The following PIAS2 variants were observed in gnomAD, a reference collection of about 807,000 sequenced individuals.
PIAS2 encodes the protein protein inhibitor of activated STAT 2.
PIAS2 carries 19 observed loss-of-function variants against 69.7 expected under a neutral mutation model. That is an observed-to-expected ratio of 0.27 (90% CI 0.19 to 0.40). PIAS2 has a LOEUF of 0.40. Ranked by LOEUF, PIAS2 falls within the 10% of genes least tolerant of loss-of-function variation. The pLI is 1.00. For synonymous variants in PIAS2, 261 were observed against 263.2 expected (o/e 0.99, Z 0.08); for missense variants, 624 against 757.0 (o/e 0.82, Z 2.06).
intron 2 of PIAS2, among the ~76,000 whole-genome samples, chr18:46,888,048 A>G (rs903119760): frequency 6.6e-6 from 1 of 152,216 alleles, no homozygotes; most frequent in Non-Finnish European, 1.5e-5. Flanking sequence ...GCAAAAATCA[A>G]TTGCATTTTT....
At chr18:46,888,485 T>A (rs1469851807) in intron 2 of PIAS2, among the ~76,000 whole-genome samples, 1 of 152,150 alleles carries the variant, frequency 6.6e-6, no homozygotes, top group African/African-American at 2.4e-5. Context: ...TCTTCCTGAT[T>A]CCAAGACATA....
rs1031469090 is a variant in PIAS2 at position 46,810,399 on chromosome 18, T to C, written c.*2034A>G. ...GTCATACCACACAAACCAAGTTAAG[T>C]TTTTTCTATCTGATTACAGAGTCAA... On this transcript the variant is annotated 3_prime_UTR_variant, in exon 14 of 14. Coordinates refer to ENST00000585916, the MANE Select transcript of PIAS2 (RefSeq NM_004671.5). The C allele has an allele frequency of 6.6e-6, 1 of 152,044 alleles. No individual in the cohort carries two copies. The highest frequency in any genetic ancestry group is 2.4e-5 in the African/African-American group (1 of 41,386). 9.4% of individuals were successfully genotyped at this position (152,044 alleles called of 1,614,324 possible).
intron 1 of PIAS2, among the ~76,000 whole-genome samples, chr18:46,898,574 A>G (rs2055266857): frequency 6.6e-6 from 1 of 152,246 alleles, no homozygotes; most frequent in Non-Finnish European, 1.5e-5. Context: ...AATTTTCCGT[A>G]TATCAAATAC....
Position 46,810,873 on chromosome 18 carries a change from T to C in PIAS2, c.*1560A>G, listed in dbSNP as rs1211042641. On this transcript the variant is annotated 3_prime_UTR_variant, in exon 14 of 14. Coordinates refer to ENST00000585916, the MANE Select transcript of PIAS2 (RefSeq NM_004671.5). ...CACTTCAGTTTGAGAAATCAATTGG[T>C]TGGACTGGCCATTAAAAAAAGGACT... 6.6e-6 allele frequency: 1 copy of C among 151,986 alleles called. No individual in the cohort carries two copies. The highest frequency in any genetic ancestry group is 1.9e-4 in the East Asian group (1 of 5,182). 9.4% of individuals were successfully genotyped at this position (151,986 alleles called of 1,614,324 possible).
chr18:46,805,329 C>A lies in PIAS2; in HGVS notation c.*7104G>T, dbSNP rs1034363642. On this transcript the variant is annotated 3_prime_UTR_variant, in exon 14 of 14. Transcript: ENST00000585916. ...GCTGGAGGTAAAGTAACCAATACCT[C>A]ACAGACCAACTTGGATAAATCATCT... is the stretch of plus-strand genomic sequence containing the variant. The A allele has an allele frequency of 6.6e-6, 1 of 152,146 alleles. No homozygotes were observed. The highest frequency in any genetic ancestry group is 1.5e-5 in the Non-Finnish European group (1 of 68,046). 9.4% of individuals were successfully genotyped at this position (152,146 alleles called of 1,614,324 possible).
chr18:46,848,060 TCCC>T (rs902984017), intron 5 of PIAS2, among the ~76,000 whole-genome samples: 2 of 152,180 alleles, frequency 1.3e-5, no homozygotes, highest in African/African-American at 2.4e-5. Context: ...ATTAACATAT[TCCC>T]TTTTGTACAG....
upstream of PIAS2, among the ~76,000 whole-genome samples, chr18:46,919,005 A>ATG (rs778074259): frequency 7.2e-3 from 1,067 of 147,264 alleles, 2 homozygotes; most frequent in Non-Finnish European, 0.011. Context: ...GTATATATAT[A>ATG]TATGTGTGTG....
At chr18:46,834,241 C>A (rs72907146) in intron 9 of PIAS2, among the ~76,000 whole-genome samples, 1 of 151,852 alleles carries the variant, frequency 6.6e-6, no homozygotes, top group African/African-American at 2.4e-5. Context: ...TAAACACTTT[C>A]AAGGAAGACA....
intron 1 of PIAS2, among the ~76,000 whole-genome samples, chr18:46,911,404 C>T (rs1413196860): frequency 6.6e-6 from 1 of 151,876 alleles, no homozygotes; most frequent in East Asian, 1.9e-4. Context: ...TTAGTAGAGA[C>T]GGGGTTTCAC....
In PIAS2 at chr18:46,809,383, T is replaced by C. The variant is rs1227056899; in HGVS notation, c.*3050A>G. 6.6e-6 allele frequency: 1 copy of C among 152,166 alleles called. No individual in the cohort carries two copies. The highest frequency in any genetic ancestry group is 6.5e-5 in the Admixed American group (1 of 15,280). The allele number at this position is 152,166 out of a possible 1,614,324, so 9.4% of individuals were successfully genotyped here. Reference sequence around the variant, plus strand: ...ACAACAGACCTCAGGCACGAAACTATTTTCAGCACCAATTACACTGTGGGG... The same window carrying C: ...ACAACAGACCTCAGGCACGAAACTACTTTCAGCACCAATTACACTGTGGGG... On this transcript the variant is annotated 3_prime_UTR_variant, in exon 14 of 14. Coordinates refer to ENST00000585916, the MANE Select transcript of PIAS2 (RefSeq NM_004671.5).
At chr18:46,900,139 C>T (rs1179208373) in intron 1 of PIAS2, among the ~76,000 whole-genome samples, 4 of 151,828 alleles carry the variant, frequency 2.6e-5, no homozygotes, top group African/African-American at 9.7e-5. Context: ...CCGAGGCGGG[C>T]AAATCACTTG....
chr18:46,877,419 C>T (rs577549234), intron 2 of PIAS2, among the ~76,000 whole-genome samples: 14 of 152,280 alleles, frequency 9.2e-5, no homozygotes, highest in East Asian at 7.7e-4. Flanking sequence ...ACTTCTCCTG[C>T]GAGTCCCAAT....
intron 2 of PIAS2, among the ~76,000 whole-genome samples, chr18:46,871,177 A>G (rs937731959): frequency 4.6e-5 from 7 of 152,204 alleles, no homozygotes; most frequent in Non-Finnish European, 8.8e-5. Context: ...GAAAGACTGG[A>G]CTATTGAAGA....
intron 2 of PIAS2, among the ~76,000 whole-genome samples, chr18:46,885,780 G>A (rs1239914071): frequency 6.6e-6 from 1 of 152,058 alleles, no homozygotes; most frequent in Non-Finnish European, 1.5e-5. Context: ...TGTATTTCTG[G>A]CATTCTAACT....
At chr18:46,840,928 T>C in intron 8 of PIAS2, among the ~76,000 whole-genome samples, 1 of 152,098 alleles carries the variant, frequency 6.6e-6, no homozygotes, top group African/African-American at 2.4e-5. Context: ...GTTTTTAAGT[T>C]GAAAAGGCCC....
chr18:46,876,660 C>G (rs572459801), intron 2 of PIAS2, among the ~76,000 whole-genome samples: 5 of 151,774 alleles, frequency 3.3e-5, no homozygotes, highest in Non-Finnish European at 7.4e-5. Flanking sequence ...ATCCAATGAA[C>G]TAGCTAAAAA....
chr18:46,887,580 A>G (rs1323002384), intron 2 of PIAS2, among the ~76,000 whole-genome samples: 2 of 152,232 alleles, frequency 1.3e-5, no homozygotes, highest in East Asian at 3.8e-4. Flanking sequence ...CAATGCAAAA[A>G]TTTGTTAGTC....
At chr18:46,860,294 T>C (rs1015151623) in intron 3 of PIAS2, among the ~76,000 whole-genome samples, 5 of 152,124 alleles carry the variant, frequency 3.3e-5, no homozygotes, top group African/African-American at 7.2e-5. Context: ...TTGAGAAACA[T>C]GGGGAGAGAA....
At chr18:46,915,239 T>G (rs557841798) in intron 1 of PIAS2, 5 of 152,284 alleles carry the variant, frequency 3.3e-5, no homozygotes, top group Non-Finnish European at 5.9e-5. Context: ...GAGAATTAAA[T>G]AAGTATAGAA....
Sources: gnomAD v4.1 joint callset for allele counts (sites outside exome capture counted in the v4.1 genomes callset) on GRCh38, gnomAD v4.1.1 for gene constraint, MANE v1.5 for transcripts, NCBI Gene and HGNC (gene_info 2026-07-23, HGNC 2026-07-21) for gene names.